The following PCDHA2 variants were observed in gnomAD, a reference collection of about 807,000 sequenced individuals.
The protein encoded by PCDHA2 is protocadherin alpha 2, also known as protocadherin alpha-2.
Under a neutral mutation model 66.0 loss-of-function variants are expected in PCDHA2, and 58 were observed. The ratio of observed to expected loss-of-function variants is 0.88; its 90% CI spans 0.71 to 1.09. The LOEUF is 1.09. PCDHA2 is among the 50% of genes least tolerant of loss of function. The pLI, the probability that PCDHA2 is intolerant of heterozygous loss-of-function variation, is 0.00. For synonymous variants in PCDHA2, 634 were observed against 554.0 expected (o/e 1.14, Z -2.03); for missense variants, 1,267 against 1,242.3 (o/e 1.02, Z -0.30).
chr5:140,899,071 C>T (rs1436283947), intron 1 of PCDHA2, among the ~76,000 whole-genome samples: 1 of 152,106 alleles, frequency 6.6e-6, no homozygotes, highest in African/African-American at 2.4e-5. Flanking sequence ...AGTTGCTTAT[C>T]AGCTTAAGGA....
At chr5:140,857,915 G>C in intron 1 of PCDHA2, 4 of 1,597,912 alleles carry the variant, frequency 2.5e-6, no homozygotes, top group Non-Finnish European at 3.4e-6. Context: ...CCCGTTTCGC[G>C]TGGGGCTGTA....
At chr5:140,931,982 T>G (rs1486789443) in intron 1 of PCDHA2, among the ~76,000 whole-genome samples, 1 of 151,968 alleles carries the variant, frequency 6.6e-6, no homozygotes, top group Non-Finnish European at 1.5e-5. Context: ...GTTTATATTT[T>G]GCTCAAATTC....
At chr5:140,852,249 T>C (rs2042280411) in intron 1 of PCDHA2, 1 of 535,278 alleles carries the variant, frequency 1.9e-6, no homozygotes, top group Non-Finnish European at 2.5e-6. Flanking sequence ...AAACACACTT[T>C]TGGAATATGC....
intron 1 of PCDHA2, among the ~76,000 whole-genome samples, chr5:140,952,280 G>A (rs1320502466): frequency 2.0e-5 from 3 of 151,652 alleles, no homozygotes; most frequent in Non-Finnish European, 4.4e-5. Context: ...TGAGGGTGGT[G>A]GCCCTCTTCT....
At chr5:140,803,740 G>C (rs2240693) in intron 1 of PCDHA2, 720,374 of 1,349,284 alleles carry the variant, frequency 0.53, 194,947 homozygotes, top group African/African-American at 0.7. Flanking sequence ...GGTTAAAACG[G>C]TAAGATTTTT....
intron 1 of PCDHA2, chr5:140,868,005 T>C (rs1405523098): frequency 6.6e-6 from 1 of 152,108 alleles, no homozygotes; most frequent in East Asian, 1.9e-4. Flanking sequence ...TATAACTGAA[T>C]TAGATTAAGG....
At chr5:140,858,790 AT>A in intron 1 of PCDHA2, 1 of 388,116 alleles carries the variant, frequency 2.6e-6, no homozygotes. Context: ...ATGTTATTTC[AT>A]TTCCAATCTA....
At chr5:140,946,872 T>C (rs983892070) in intron 1 of PCDHA2, among the ~76,000 whole-genome samples, 7 of 151,402 alleles carry the variant, frequency 4.6e-5, no homozygotes, top group Admixed American at 1.3e-4. Flanking sequence ...GGTTGGTCAA[T>C]GGGTACGAAG....
At chr5:140,961,214 A>C (rs1406613180) in intron 1 of PCDHA2, among the ~76,000 whole-genome samples, 4 of 152,288 alleles carry the variant, frequency 2.6e-5, no homozygotes, top group East Asian at 3.9e-4. Context: ...ATTGATGAAG[A>C]AACTGGGTCC....
chr5:140,838,046 T>C (rs1554136765), intron 1 of PCDHA2, among the ~76,000 whole-genome samples: 1 of 150,988 alleles, frequency 6.6e-6, no homozygotes, highest in African/African-American at 2.4e-5. Flanking sequence ...TTCTGCACTT[T>C]TTGGTTTTCC....
intron 1 of PCDHA2, among the ~76,000 whole-genome samples, chr5:140,900,156 T>G (rs1219079675): frequency 3.3e-5 from 5 of 152,180 alleles, no homozygotes; most frequent in African/African-American, 1.2e-4. Flanking sequence ...CATACGATAT[T>G]TGTCTTTCTG....
rs1554162489 is a variant in PCDHA2 at position 140,869,104 on chromosome 5, A to G, written c.2388+71752A>G. 2.5e-6 allele frequency: 4 copies of G among 1,601,646 alleles called. No individual in the cohort carries two copies. In the Admixed American group the frequency reaches 5.1e-5, roughly 21 times the overall value. On this transcript the variant is annotated intron_variant, in intron 1 of 3. Coordinates refer to ENST00000526136, the MANE Select transcript of PCDHA2 (RefSeq NM_018905.3). ...ATTTTGGAAGCCAATTTCGTATGCG[A>G]TGTTTGGTTTTCAGAGAAGGGGATT... is the stretch of plus-strand genomic sequence containing the variant.
chr5:140,919,613 A>G (rs993064588), intron 1 of PCDHA2, among the ~76,000 whole-genome samples: 1 of 152,270 alleles, frequency 6.6e-6, no homozygotes, highest in South Asian at 2.1e-4. Context: ...TTTAAACTGT[A>G]TCTTTTGAGT....
At chr5:140,875,991 T>C in intron 1 of PCDHA2, 2 of 1,613,966 alleles carry the variant, frequency 1.2e-6, no homozygotes, top group South Asian at 2.2e-5. Context: ...ATGCGTTAAG[T>C]CTAAATGAGA....
rs1777975197 is a variant in PCDHA2 at position 140,842,460 on chromosome 5, G to C, written c.2388+45108G>C. On this transcript the variant is annotated intron_variant, in intron 1 of 3. Coordinates refer to ENST00000526136, the MANE Select transcript of PCDHA2 (RefSeq NM_018905.3). ...ATTAGCGTGAACGACCTCGATTCAGGTGCCAACGGGCAGGTGACCTGCTCC... is the reference window on the plus strand; with the variant it reads ...ATTAGCGTGAACGACCTCGATTCAGCTGCCAACGGGCAGGTGACCTGCTCC... 1 of 1,613,782 alleles carries C rather than the reference G, an allele frequency of 6.2e-7. No homozygotes were observed. The highest frequency in any genetic ancestry group is 1.1e-5 in the South Asian group (1 of 91,070).
chr5:140,959,102 G>A (rs556528085), intron 1 of PCDHA2, among the ~76,000 whole-genome samples: 2 of 152,214 alleles, frequency 1.3e-5, no homozygotes, highest in South Asian at 4.2e-4. Flanking sequence ...ACATTCAGCA[G>A]GGGTCCGAAG....
intron 1 of PCDHA2, chr5:140,967,690 C>G (rs782694266): frequency 6.2e-7 from 1 of 1,614,190 alleles, no homozygotes; most frequent in Non-Finnish European, 8.5e-7. Flanking sequence ...GGCAGCTCTT[C>G]AGCATAGATG....
At chr5:140,905,376 C>G in intron 1 of PCDHA2, among the ~76,000 whole-genome samples, 1 of 152,174 alleles carries the variant, frequency 6.6e-6, no homozygotes, top group East Asian at 1.9e-4. Context: ...GTTCTCTGTT[C>G]TGTTTCATAG....
chr5:140,985,494 C>G (rs1217361161), intron 3 of PCDHA2, among the ~76,000 whole-genome samples: 2 of 152,136 alleles, frequency 1.3e-5, no homozygotes, highest in Non-Finnish European at 2.9e-5. Flanking sequence ...TCAAATAGAG[C>G]CTGCCTTTCA....
Sources: allele counts gnomAD v4.1 joint callset (sites outside exome capture counted in the v4.1 genomes callset), GRCh38; gene constraint gnomAD v4.1.1; transcripts MANE v1.5; gene names NCBI Gene and HGNC (gene_info 2026-07-23, HGNC 2026-07-21).